TTC6: variants seen among roughly 807,000 people sequenced by gnomAD.
TTC6 encodes tetratricopeptide repeat protein 6.
Under a neutral mutation model 210.4 loss-of-function variants are expected in TTC6, and 172 were observed. That is an observed-to-expected ratio of 0.82 (90% CI 0.72 to 0.93). TTC6 has a LOEUF of 0.93. TTC6 is among the 40% of genes least tolerant of loss of function. The pLI is 0.00. For missense variants in TTC6, 2,414 were observed against 2,318.1 expected, an observed-to-expected ratio of 1.04 and a Z score of -0.85; for synonymous variants, 804 against 819.6, an observed-to-expected ratio of 0.98 and a Z score of 0.32.
intron 1 of TTC6, among the ~76,000 whole-genome samples, chr14:37,673,506 T>C (rs2095762511): frequency 6.6e-6 from 1 of 152,100 alleles, no homozygotes; most frequent in African/African-American, 2.4e-5. Flanking sequence ...CCAGTGTCAT[T>C]TGGGGAGAAC....
At chr14:37,677,537 A>T in intron 1 of TTC6, among the ~76,000 whole-genome samples, 1 of 152,002 alleles carries the variant, frequency 6.6e-6, no homozygotes, top group East Asian at 1.9e-4. Flanking sequence ...TCTGACAGTG[A>T]ACTTGGGGCA....
intron 1 of TTC6, among the ~76,000 whole-genome samples, chr14:37,657,183 G>C (rs921652171): frequency 8.0e-6 from 1 of 124,362 alleles, no homozygotes; most frequent in African/African-American, 3.1e-5. Context: ...TTGTACTCCA[G>C]CCTGGGCAAC....
At chr14:37,704,407 G>A (rs2095831491) in intron 5 of TTC6, among the ~76,000 whole-genome samples, 1 of 152,026 alleles carries the variant, frequency 6.6e-6, no homozygotes, top group African/African-American at 2.4e-5. Context: ...GCCAATTTAT[G>A]ACACTGTTCT....
chr14:37,621,021 CAG>C (rs201029249), upstream of TTC6, among the ~76,000 whole-genome samples: 1,512 of 152,288 alleles, frequency 9.9e-3, 8 homozygotes, highest in Middle Eastern at 0.044. Context: ...AGAAAAAGTA[CAG>C]AGAGTGGCAC....
intron 29 of TTC6, among the ~76,000 whole-genome samples, chr14:37,829,316 G>A (rs2096179393): frequency 6.6e-6 from 1 of 151,910 alleles, no homozygotes; most frequent in Admixed American, 6.6e-5. Flanking sequence ...TGTAATGCAA[G>A]TGTGTTTATG....
intron 5 of TTC6, among the ~76,000 whole-genome samples, chr14:37,713,080 G>T (rs1157135065): frequency 6.6e-6 from 1 of 152,116 alleles, no homozygotes; most frequent in Non-Finnish European, 1.5e-5. Context: ...GAGATTCAGG[G>T]ATTAAGTAGC....
At chr14:37,621,411 G>A (rs2095650879), upstream of TTC6, among the ~76,000 whole-genome samples, 1 of 152,154 alleles carries the variant, frequency 6.6e-6, no homozygotes, top group African/African-American at 2.4e-5. Flanking sequence ...GGGAGTTAGA[G>A]ACCAGCCTGG....
chr14:37,616,221 C>T (rs1566840580), intron 2 of TTC6, among the ~76,000 whole-genome samples: 1 of 152,184 alleles, frequency 6.6e-6, no homozygotes, highest in Non-Finnish European at 1.5e-5. Flanking sequence ...CTCTGGGTCT[C>T]TTCCTTCTGG....
chr14:37,821,522 A>G (rs2096157140), intron 26 of TTC6, among the ~76,000 whole-genome samples: 1 of 152,178 alleles, frequency 6.6e-6, no homozygotes, highest in Non-Finnish European at 1.5e-5. Flanking sequence ...TGCTTGTAAC[A>G]TCAGAAGCAA....
intron 5 of TTC6, among the ~76,000 whole-genome samples, chr14:37,708,748 C>G (rs1192083368): frequency 2.0e-5 from 3 of 152,066 alleles, no homozygotes; most frequent in Non-Finnish European, 4.4e-5. Flanking sequence ...ATTTTGGAAG[C>G]AGGGCTTCTG....
At chr14:37,721,847 C>CATATATACATATATATAT (rs1186369830) in intron 6 of TTC6, among the ~76,000 whole-genome samples, 47 of 117,266 alleles carry the variant, frequency 4.0e-4, no homozygotes, top group African/African-American at 1.4e-3. Context: ...TGAGTTTCAC[C>CATATATACATATATATAT]ATATATATAT....
intron 29 of TTC6, among the ~76,000 whole-genome samples, chr14:37,831,472 C>G (rs2096184955): frequency 6.6e-6 from 1 of 152,046 alleles, no homozygotes; most frequent in Non-Finnish European, 1.5e-5. Context: ...TATGATAGTT[C>G]TATTGTTTTG....
chr14:37,604,130 G>A (rs968739800), intron 1 of TTC6, among the ~76,000 whole-genome samples: 1 of 152,146 alleles, frequency 6.6e-6, no homozygotes, highest in African/African-American at 2.4e-5. Flanking sequence ...CTGCGTTGTC[G>A]CAGTTCCTCC....
chr14:37,768,416 A>G (rs996506540), intron 14 of TTC6, among the ~76,000 whole-genome samples: 4 of 151,902 alleles, frequency 2.6e-5, no homozygotes, highest in African/African-American at 9.7e-5. Flanking sequence ...CACGATATTG[A>G]TTCTTCCTAC....
At chr14:37,783,327 A>T (rs1447738282) in intron 14 of TTC6, among the ~76,000 whole-genome samples, 1 of 152,122 alleles carries the variant, frequency 6.6e-6, no homozygotes, top group Non-Finnish European at 1.5e-5. Context: ...TGGTCTATTC[A>T]GGGATTCAAT....
intron 1 of TTC6, among the ~76,000 whole-genome samples, chr14:37,625,951 G>C (rs958651642): frequency 2.0e-5 from 3 of 152,110 alleles, no homozygotes; most frequent in Admixed American, 2.0e-4. Flanking sequence ...TTGACATTTT[G>C]GGCCACTTAA....
chr14:37,831,584 T>G (rs550394513), intron 29 of TTC6, among the ~76,000 whole-genome samples: 54 of 148,858 alleles, frequency 3.6e-4, no homozygotes, highest in Non-Finnish European at 7.5e-4. Flanking sequence ...GACGTTTTTT[T>G]TGTGTGTGTT....
intron 1 of TTC6, among the ~76,000 whole-genome samples, chr14:37,637,184 T>C (rs1457313654): frequency 6.6e-6 from 1 of 152,026 alleles, no homozygotes; most frequent in Non-Finnish European, 1.5e-5. Flanking sequence ...TCAATCTGTC[T>C]CATGGACTTA....
intron 14 of TTC6, among the ~76,000 whole-genome samples, chr14:37,783,361 G>A (rs1178705194): frequency 6.6e-6 from 1 of 152,042 alleles, no homozygotes; most frequent in Non-Finnish European, 1.5e-5. Context: ...AGTCTTGGGA[G>A]GGTGTATGTG....
Sources: allele counts gnomAD v4.1 joint callset (sites outside exome capture counted in the v4.1 genomes callset), GRCh38; gene constraint gnomAD v4.1.1; transcripts MANE v1.5; gene names NCBI Gene and HGNC (gene_info 2026-07-23, HGNC 2026-07-21).